Variants in RPAIN observed in about 807,000 individuals in gnomAD.
RPAIN encodes RPA-interacting protein.
A neutral mutation model predicts 30.5 loss-of-function variants in RPAIN; 29 were observed. The observed-to-expected ratio is 0.95, with a 90% CI of 0.71 to 1.30. RPAIN has a LOEUF of 1.30. Among genes scored for constraint, RPAIN ranks in the 50% most tolerant of loss-of-function variants. The probability of loss-of-function intolerance (pLI) is 0.00; values close to 1 mark genes in which losing one functional copy is unlikely to be tolerated. For missense variants in RPAIN, 247 were observed against 264.7 expected, an observed-to-expected ratio of 0.93 and a Z score of 0.46; for synonymous variants, 101 against 93.5, an observed-to-expected ratio of 1.08 and a Z score of -0.46.
In RPAIN at chr17:5,421,691, C is replaced by G. The variant is rs534995487; in HGVS notation, c.252+225C>G. ...GACCTGCTCATCACTGCAACATCATCATTTATGAAACTAAAAAGAAAGAAA... is the reference window on the plus strand; with the variant it reads ...GACCTGCTCATCACTGCAACATCATGATTTATGAAACTAAAAAGAAAGAAA... On this transcript the variant is annotated intron_variant, in intron 2 of 6. Transcript: ENST00000381209. 2.0e-4 allele frequency: 74 copies of G among 362,194 alleles called. No homozygotes were observed. In the South Asian group the frequency reaches 7.4e-3, roughly 36 times the overall value. The allele number at this position is 362,194 out of a possible 1,614,324, so 22.4% of individuals were successfully genotyped here.
chr17:5,426,015 GAA>G lies in RPAIN; in HGVS notation c.361_362del (p.Lys121ValfsTer8). On this transcript the variant is annotated frameshift_variant, in exon 4 of 7. Transcript: ENST00000381209. LOFTEE classifies it high-confidence loss of function. The part of the protein sequence containing the change: ...SEYEKSLQFD[E>X]KCLSIMLAEW... ...GTATGAGAAGAGCTTGCAGTTTGAT[GAA>G]AAGTGTCTCAGCATCATGCTGGCTG... is the stretch of plus-strand genomic sequence containing the variant. 1.9e-6 allele frequency: 3 copies of G among 1,614,020 alleles called. No individual in the cohort carries two copies. The highest frequency in any genetic ancestry group is 2.5e-6 in the Non-Finnish European group (3 of 1,179,978).
intron 6 of RPAIN, chr17:5,428,565 AG>A (rs1915626035): frequency 2.1e-5 from 25 of 1,208,108 alleles, no homozygotes; most frequent in Non-Finnish European, 2.6e-5. Context: ...GGAAGGAAAC[AG>A]GGCAGAAGCA....
intron 4 of RPAIN, 38 bp downstream of exon 4, chr17:5,426,120 CCATTCCCCACTCCAA>C: frequency 6.4e-7 from 1 of 1,567,968 alleles, no homozygotes; most frequent in South Asian, 1.1e-5. Flanking sequence ...TTATTCGTTC[CCATTCCCCACTCCAA>C]GGTGAGTGGA....
At chr17:5,422,239 C>T (rs1249017994) in intron 2 of RPAIN, among the ~76,000 whole-genome samples, 9 of 152,144 alleles carry the variant, frequency 5.9e-5, no homozygotes, top group Non-Finnish European at 1.0e-4. Context: ...TTAGTTTTCA[C>T]ATTTATAAAA....
intron 3 of RPAIN, chr17:5,425,263 A>G: frequency 2.2e-6 from 1 of 453,878 alleles, no homozygotes; most frequent in Non-Finnish European, 4.4e-6. Flanking sequence ...ATGAATGAGC[A>G]CACAGATTCT....
At position 5,428,230 on chromosome 17, in the gene RPAIN, C is replaced by A. The variant is rs1180744154; in HGVS notation, c.630+19C>A. 1 of 1,614,114 alleles carries A rather than the reference C, an allele frequency of 6.2e-7. No homozygotes were observed. The highest frequency in any genetic ancestry group is 1.1e-5 in the South Asian group (1 of 91,082). ...CTGTCTGGTAAGCGTCTCCTGGGAC[C>A]CACTCTGTGGTAAGAGGGACCTGTG... On this transcript the variant is annotated intron_variant, in intron 6 of 6. Transcript: ENST00000381209.
chr17:5,430,679 ATTTATT>A (rs1312697616), intron 6 of RPAIN: 2 of 152,206 alleles, frequency 1.3e-5, no homozygotes, highest in Non-Finnish European at 2.9e-5. Flanking sequence ...CAAGGCCCAT[ATTTATT>A]TTTATTTCCA....
chr17:5,421,337 A>G lies in RPAIN; in HGVS notation c.123A>G (p.Leu41=). The G allele has an allele frequency of 6.2e-7, 1 of 1,613,934 alleles. No individual in the cohort carries two copies. Among genetic ancestry groups the G allele is most frequent in the South Asian group, 1.1e-5 (1 of 91,070 alleles). The change falls in exon 2 of 7, where the codon CTA becomes CTG. Residue 41 remains leucine, a synonymous_variant. Coordinates refer to ENST00000381209, the MANE Select transcript of RPAIN (RefSeq NM_001033002.4). ...ERMRNSRDRL[L]NRYRQAGSSG... ...TGAGAAACAGCCGGGACAGGCTCCT[A>G]AACAGGTACCGCCAGGCTGGAAGCA...
chr17:5,420,601 T>C (rs1012476299), intron 1 of RPAIN, among the ~76,000 whole-genome samples: 7 of 151,456 alleles, frequency 4.6e-5, no homozygotes, highest in African/African-American at 1.7e-4. Flanking sequence ...TCTACGTTCG[T>C]CTTGTGAGAT....
At chr17:5,421,528 T>C (rs1914832592) in intron 2 of RPAIN, 62 bp downstream of exon 2, 2 of 1,498,298 alleles carry the variant, frequency 1.3e-6, no homozygotes, top group East Asian at 2.3e-5. Flanking sequence ...GCTCGTGTCC[T>C]CTTTTATTTG....
At chr17:5,424,840 A>G (rs1915225869) in intron 3 of RPAIN, among the ~76,000 whole-genome samples, 1 of 152,132 alleles carries the variant, frequency 6.6e-6, no homozygotes, top group African/African-American at 2.4e-5. Flanking sequence ...ATCTTTTTTT[A>G]TTGATTTTCC....
rs559964138 is a variant in RPAIN, at chr17:5,432,217, C to T, written c.631-325C>T. 1.4e-4 allele frequency: 41 copies of T among 302,088 alleles called. 1 individual carries two copies. The South Asian group carries it at 1.9e-3, about 14-fold the overall frequency. 18.7% of individuals were successfully genotyped at this position (302,088 alleles called of 1,614,324 possible). On this transcript the variant is annotated intron_variant, in intron 6 of 6. Coordinates refer to ENST00000381209, the MANE Select transcript of RPAIN (RefSeq NM_001033002.4). ...CCTGCTGGGCTCTAAAAGCTCCAGG[C>T]TATCAAGAGTTTGAATACAATCTTT...
Position 5,420,229 on chromosome 17 carries a change from T to A in RPAIN, c.19T>A (p.Ser7Thr). 1 of 1,613,622 alleles carries A rather than the reference T, an allele frequency of 6.2e-7. No homozygotes were observed. Among genetic ancestry groups the A allele is most frequent in the Non-Finnish European group, 8.5e-7 (1 of 1,179,922 alleles). The change falls in exon 1 of 7, where the codon TCT becomes ACT. Residue 7 changes from serine to threonine, a missense_variant. Ser to Thr is a moderately conservative substitution (Grantham distance 58, BLOSUM62 1). Coordinates refer to ENST00000381209, the MANE Select transcript of RPAIN (RefSeq NM_001033002.4). MAESLR[S>T]PRRSLYKLVG... is the part of the protein sequence containing the mutation. ...AGAGGAGATGGCGGAGTCGTTGAGG[T>A]CTCCGCGCCGCTCCCTGTACAAACT...
chr17:5,428,150 C>A lies in RPAIN; in HGVS notation c.569C>A (p.Thr190Lys). 6.2e-7 allele frequency: 1 copy of A among 1,614,108 alleles called. No homozygotes were observed. Among genetic ancestry groups the A allele is most frequent in the Non-Finnish European group, 8.5e-7 (1 of 1,179,972 alleles). The change falls in exon 6 of 7, where the codon ACA becomes AAA. Residue 190 changes from threonine (T) to lysine (K), a missense_variant. Thr to Lys is a moderately conservative substitution (Grantham distance 78). Coordinates refer to ENST00000381209, the MANE Select transcript of RPAIN (RefSeq NM_001033002.4). ...INEHSAHCPH[T>K]PEFSVTGGTE... ...GAGCACAGTGCACATTGTCCCCACACACCTGAATTTTCAGTCACTGGAGGA... is the reference window on the plus strand; with the variant it reads ...GAGCACAGTGCACATTGTCCCCACAAACCTGAATTTTCAGTCACTGGAGGA...
Position 5,422,787 on chromosome 17 carries a change from A to G in RPAIN, c.271A>G (p.Met91Val), listed in dbSNP as rs1246902827. Reference protein sequence around the residue: ...DLAQLEELIDMAVLEEIQQEL... With the variant: ...DLAQLEELIDVAVLEEIQQEL... ...CTTCCAGCTGGAGGAGCTGATAGAC[A>G]TGGCTGTGCTGGAGGAAATTCAACA... Residue 91 changes from methionine to valine, a missense_variant, in exon 3 of 7, where the codon ATG becomes GTG. Coordinates refer to ENST00000381209, the MANE Select transcript of RPAIN (RefSeq NM_001033002.4). 13 of 1,613,224 alleles carry G rather than the reference A, an allele frequency of 8.1e-6. No homozygotes were observed. Among genetic ancestry groups the G allele is most frequent in the Non-Finnish European group, 1.1e-5 (13 of 1,179,590 alleles).
intron 2 of RPAIN, chr17:5,421,798 C>CT (rs997095919): frequency 4.4e-3 from 694 of 157,026 alleles, no homozygotes; most frequent in South Asian, 8.9e-3. Flanking sequence ...CTCTCTCGCT[C>CT]TTTTTTTTTT....
intron 3 of RPAIN, chr17:5,425,171 C>A: frequency 2.6e-6 from 1 of 382,572 alleles, no homozygotes; most frequent in Middle Eastern, 4.2e-4. Flanking sequence ...AATGTCTAGA[C>A]TGTGAGCTCA....
At position 5,426,319 on chromosome 17, in the gene RPAIN, A is replaced by G. The variant is rs750544943; in HGVS notation, c.489+20A>G. The G allele has an allele frequency of 4.7e-5, 75 of 1,593,074 alleles. No homozygotes were observed. The highest frequency in any genetic ancestry group is 6.0e-5 in the Non-Finnish European group (70 of 1,160,758). On this transcript the variant is annotated intron_variant, in intron 5 of 6. Coordinates refer to ENST00000381209, the MANE Select transcript of RPAIN (RefSeq NM_001033002.4). ...TCTCATGTGAGTGTTCCACACACAG[A>G]TTTCATGATACTTCTTCCCACATGG... is the stretch of plus-strand genomic sequence containing the variant.
At chr17:5,428,606 G>A (rs1915629584) in intron 6 of RPAIN, 1 of 978,198 alleles carries the variant, frequency 1.0e-6, no homozygotes, top group Non-Finnish European at 1.3e-6. Context: ...TTGTCTGTCA[G>A]TGGAGTTTTT....
Sources: gnomAD v4.1 joint callset for allele counts (sites outside exome capture counted in the v4.1 genomes callset) on GRCh38, gnomAD v4.1.1 for gene constraint, MANE v1.5 for transcripts, NCBI Gene and HGNC (gene_info 2026-07-23, HGNC 2026-07-21) for gene names.